Variants in DMXL2 observed in about 807,000 individuals in gnomAD.
DMXL2 encodes the protein Dmx like 2, also known as dmX-like protein 2.
Under a neutral mutation model 331.1 loss-of-function variants are expected in DMXL2, and 103 were observed. That is an observed-to-expected ratio of 0.31 (90% CI 0.27 to 0.37). The LOEUF is 0.37. DMXL2 is among the 10% of genes least tolerant of loss of function. The pLI is 1.00. For missense variants in DMXL2, 3,171 were observed against 3,642.9 expected, an observed-to-expected ratio of 0.87 and a Z score of 3.33; for synonymous variants, 1,281 against 1,252.1, an observed-to-expected ratio of 1.02 and a Z score of -0.49.
intron 6 of DMXL2, among the ~76,000 whole-genome samples, chr15:51,549,705 C>T (rs2049092089): frequency 6.6e-6 from 1 of 152,150 alleles, no homozygotes; most frequent in Non-Finnish European, 1.5e-5. Flanking sequence ...TTTCCCTGAT[C>T]ATTAGTGACG....
chr15:51,469,184 T>C (rs2040867268), intron 29 of DMXL2, among the ~76,000 whole-genome samples: 1 of 151,506 alleles, frequency 6.6e-6, no homozygotes, highest in Admixed American at 6.6e-5. Context: ...TGTAGATCTA[T>C]TTAAAATCCT....
chr15:51,568,639 T>A, intron 2 of DMXL2, 81 bp from the exon 3 acceptor site: 2 of 848,556 alleles, frequency 2.4e-6, no homozygotes, highest in Non-Finnish European at 3.7e-6. Flanking sequence ...ATGTATAAAC[T>A]AATTACATAT....
At chr15:51,474,636 C>T (rs769595674) in intron 27 of DMXL2, 44 bp from the exon 28 acceptor site, 3 of 1,511,656 alleles carry the variant, frequency 2.0e-6, no homozygotes, top group Non-Finnish European at 2.7e-6. Context: ...CAGGATGAAG[C>T]ACCAGAAGGA....
intron 41 of DMXL2, among the ~76,000 whole-genome samples, chr15:51,452,864 T>C (rs2039271491): frequency 6.6e-6 from 1 of 151,950 alleles, no homozygotes; most frequent in South Asian, 2.1e-4. Context: ...AACCAACAAA[T>C]GGATAAAGAA....
chr15:51,609,473 A>G (rs533297428), intron 1 of DMXL2, among the ~76,000 whole-genome samples: 16 of 152,250 alleles, frequency 1.1e-4, no homozygotes, highest in African/African-American at 3.6e-4. Context: ...TTATAATGCC[A>G]TATTTTCACT....
intron 4 of DMXL2, 82 bp from the exon 5 acceptor site, chr15:51,564,342 A>T: frequency 9.1e-7 from 1 of 1,101,058 alleles, no homozygotes; most frequent in Non-Finnish European, 1.2e-6. Flanking sequence ...TTAGATCTGT[A>T]AACTATTAAT....
At chr15:51,564,950 G>A (rs140963162) in intron 4 of DMXL2, 138 bp downstream of exon 4, 56 of 525,570 alleles carry the variant, frequency 1.1e-4, no homozygotes, top group African/African-American at 8.6e-4. Context: ...ATACCAAGAA[G>A]GAAAAATTAT....
intron 13 of DMXL2, among the ~76,000 whole-genome samples, chr15:51,532,512 A>G (rs1002248930): frequency 2.0e-5 from 3 of 152,318 alleles, no homozygotes; most frequent in Non-Finnish European, 1.5e-5. Flanking sequence ...GCTCATTTAA[A>G]AATAACTAGA....
chr15:51,459,098 C>A (rs2039904563), intron 34 of DMXL2: 1 of 280,342 alleles, frequency 3.6e-6, no homozygotes, highest in South Asian at 5.9e-5. Context: ...TCTCTCTTAG[C>A]TCTTCCAAAA....
chr15:51,558,152 T>C (rs2049721920), intron 6 of DMXL2, among the ~76,000 whole-genome samples: 1 of 152,192 alleles, frequency 6.6e-6, no homozygotes, highest in African/African-American at 2.4e-5. Flanking sequence ...AAATGATGTG[T>C]GTAAAGAACA....
Position 51,542,467 on chromosome 15 carries a change from C to A in DMXL2, c.971G>T (p.Arg324Met). Reference sequence around the variant, plus strand: ...AGCATGAGTTACAAGAACAGATGACCTCCTCTGTCCTTTCCTTAAATTTTT... The same window carrying A: ...AGCATGAGTTACAAGAACAGATGACATCCTCTGTCCTTTCCTTAAATTTTT... ...HLKNLRKGQR[R>M]SSVLVTHAEL... The change falls in exon 9 of 44, where the codon AGG becomes ATG. Residue 324 changes from arginine (R) to methionine (M), a missense_variant. Arg to Met is a moderately conservative substitution (Grantham distance 91, BLOSUM62 -1). Transcript: ENST00000560891. The A allele has an allele frequency of 6.2e-7, 1 of 1,613,534 alleles. No homozygotes were observed. Among genetic ancestry groups the A allele is most frequent in the South Asian group, 1.1e-5 (1 of 91,040 alleles).
chr15:51,483,960 C>T (rs1372110035), intron 23 of DMXL2, among the ~76,000 whole-genome samples: 5 of 152,088 alleles, frequency 3.3e-5, no homozygotes, highest in African/African-American at 4.8e-5. Flanking sequence ...GCTGAGCAGC[C>T]TTATGCCCAC....
Position 51,536,871 on chromosome 15 carries a change from C to T in DMXL2, c.1618-9G>A. On this transcript the variant is annotated splice_polypyrimidine_tract_variant and intron_variant, in intron 11 of 43. Transcript: ENST00000560891. ...CGAGAAGAAAAAGAAACCTGAAAAA[C>T]ATAATTATATGATTCAGTGCAAATA... The T allele has an allele frequency of 6.3e-7, 1 of 1,585,310 alleles. No homozygotes were observed. The highest frequency in any genetic ancestry group is 8.5e-7 in the Non-Finnish European group (1 of 1,169,770).
chr15:51,557,795 A>G (rs2049700174), intron 6 of DMXL2, among the ~76,000 whole-genome samples: 1 of 152,228 alleles, frequency 6.6e-6, no homozygotes, highest in African/African-American at 2.4e-5. Context: ...TTTCCAATAA[A>G]TTGTTCAAGA....
rs1173454751 is a variant in DMXL2, at chr15:51,499,281, T to G, written c.3943A>C (p.Thr1315Pro). 6.2e-7 allele frequency: 1 copy of G among 1,613,894 alleles called. No individual in the cohort carries two copies. Among genetic ancestry groups the G allele is most frequent in the Non-Finnish European group, 8.5e-7 (1 of 1,180,016 alleles). The part of the protein sequence containing the change: ...MLARKSVVEG[T>P]AISDDVFCSP... ...CAAAAAACATCATCAGAAATAGCTG[T>G]TCCTTCAACAACACTTTTTCTTGCC... The change falls in exon 18 of 44, where the codon ACA becomes CCA. Residue 1315 changes from threonine (T) to proline (P), a missense_variant. Coordinates refer to ENST00000560891, the MANE Select transcript of DMXL2 (RefSeq NM_001378457.1).
intron 1 of DMXL2, among the ~76,000 whole-genome samples, chr15:51,580,118 A>C (rs1187454184): frequency 1.3e-5 from 2 of 152,196 alleles, no homozygotes; most frequent in Non-Finnish European, 2.9e-5. Flanking sequence ...GCACAGAATA[A>C]GCATTCTGTA....
chr15:51,571,538 A>C (rs1313646825), intron 2 of DMXL2, among the ~76,000 whole-genome samples: 1 of 152,216 alleles, frequency 6.6e-6, no homozygotes, highest in Non-Finnish European at 1.5e-5. Flanking sequence ...ATTGGAAGTA[A>C]AACACTCCTC....
At chr15:51,566,323 T>G (rs1248611806) in intron 3 of DMXL2, among the ~76,000 whole-genome samples, 1 of 151,838 alleles carries the variant, frequency 6.6e-6, no homozygotes, top group Non-Finnish European at 1.5e-5. Context: ...TTATTTGATA[T>G]TTTATAATCA....
chr15:51,456,408 C>T (rs1430423777), intron 37 of DMXL2, 39 bp from the exon 38 acceptor site: 2 of 1,243,544 alleles, frequency 1.6e-6, no homozygotes, highest in Non-Finnish European at 2.3e-6. Flanking sequence ...TTTGTGTATG[C>T]AGAAAAGATG....
Sources: gnomAD v4.1 joint callset for allele counts (sites outside exome capture counted in the v4.1 genomes callset) on GRCh38, gnomAD v4.1.1 for gene constraint, MANE v1.5 for transcripts, NCBI Gene and HGNC (gene_info 2026-07-23, HGNC 2026-07-21) for gene names.